GSK3B: variants seen among roughly 807,000 people sequenced by gnomAD.
GSK3B encodes the protein glycogen synthase kinase 3 beta.
A neutral mutation model predicts 56.4 loss-of-function variants in GSK3B; 15 were observed. That is an observed-to-expected ratio of 0.27 (90% CI 0.18 to 0.41). The LOEUF (loss-of-function observed/expected upper bound fraction) is 0.41, where lower values mean the gene tolerates loss of function less well. Ranked by LOEUF, GSK3B falls within the 10% of genes least tolerant of loss-of-function variation. GSK3B has a pLI of 1.00. For missense variants in GSK3B, 300 were observed against 513.4 expected (o/e 0.58, Z 4.02); for synonymous variants, 181 against 188.9 (o/e 0.96, Z 0.34).
chr3:119,865,235 G>T (rs2056160953), intron 8 of GSK3B, among the ~76,000 whole-genome samples: 1 of 151,692 alleles, frequency 6.6e-6, no homozygotes, highest in Non-Finnish European at 1.5e-5. Context: ...TATTTTGCTA[G>T]CTAATCCAAA....
chr3:120,019,752 G>A (rs775381890), intron 1 of GSK3B, among the ~76,000 whole-genome samples: 3 of 152,096 alleles, frequency 2.0e-5, no homozygotes, highest in African/African-American at 2.4e-5. Flanking sequence ...AAGTCTCTAC[G>A]CCTGACCTCC....
chr3:119,830,904 A>C (rs1434726847), intron 10 of GSK3B, among the ~76,000 whole-genome samples: 1 of 152,234 alleles, frequency 6.6e-6, no homozygotes, highest in Non-Finnish European at 1.5e-5. Context: ...GCAATTGTTC[A>C]ATAGATGGGA....
chr3:119,992,713 A>G (rs1054274428), intron 2 of GSK3B, among the ~76,000 whole-genome samples: 7 of 152,002 alleles, frequency 4.6e-5, no homozygotes, highest in Non-Finnish European at 7.4e-5. Context: ...ATAATAAAGT[A>G]CTCTTCAGGG....
At chr3:119,959,742 C>T (rs183309431) in intron 2 of GSK3B, among the ~76,000 whole-genome samples, 8 of 151,904 alleles carry the variant, frequency 5.3e-5, no homozygotes, top group Admixed American at 2.6e-4. Flanking sequence ...GTCTTGAACT[C>T]GTGACCTCAA....
At chr3:120,004,716 G>A (rs1034355368) in intron 1 of GSK3B, among the ~76,000 whole-genome samples, 2 of 152,116 alleles carry the variant, frequency 1.3e-5, no homozygotes, top group African/African-American at 4.8e-5. Flanking sequence ...CAAACAGAAA[G>A]GAACAGCATC....
chr3:120,020,704 G>C (rs948902348), intron 1 of GSK3B, among the ~76,000 whole-genome samples: 3 of 152,130 alleles, frequency 2.0e-5, no homozygotes, highest in Non-Finnish European at 2.9e-5. Flanking sequence ...AGTGAGAGAA[G>C]AGTCACCTAT....
At chr3:120,069,529 G>A (rs1197418596) in intron 1 of GSK3B, among the ~76,000 whole-genome samples, 4 of 152,048 alleles carry the variant, frequency 2.6e-5, no homozygotes, top group Non-Finnish European at 4.4e-5. Flanking sequence ...TGGGGGTGTG[G>A]GGGACAATCT....
intron 1 of GSK3B, among the ~76,000 whole-genome samples, chr3:120,023,292 C>G (rs1372222448): frequency 6.6e-6 from 1 of 151,156 alleles, no homozygotes; most frequent in Non-Finnish European, 1.5e-5. Flanking sequence ...CCACTGAAGA[C>G]TTTCCTGAGC....
chr3:119,914,955 T>C (rs1191781870), intron 5 of GSK3B, among the ~76,000 whole-genome samples: 1 of 152,002 alleles, frequency 6.6e-6, no homozygotes, highest in African/African-American at 2.4e-5. Context: ...AAAAATTAAA[T>C]TGGAGAGAAT....
At chr3:119,987,811 T>C (rs2057530373) in intron 2 of GSK3B, among the ~76,000 whole-genome samples, 1 of 152,346 alleles carries the variant, frequency 6.6e-6, no homozygotes. Context: ...ACAAGAAGCA[T>C]TGTCAAATAT....
chr3:119,873,240 T>C (rs2056269597), intron 8 of GSK3B, among the ~76,000 whole-genome samples: 2 of 152,180 alleles, frequency 1.3e-5, no homozygotes, highest in Non-Finnish European at 2.9e-5. Flanking sequence ...ATCTCAGTGT[T>C]ATTTTTCTGC....
chr3:119,990,581 C>T (rs1224635609), intron 2 of GSK3B, among the ~76,000 whole-genome samples: 1 of 152,148 alleles, frequency 6.6e-6, no homozygotes, highest in East Asian at 1.9e-4. Flanking sequence ...CCTTAAGGAT[C>T]AAAAACAGAC....
intron 3 of GSK3B, among the ~76,000 whole-genome samples, chr3:119,929,901 C>CAAA (rs202140622): frequency 7.2e-6 from 1 of 139,604 alleles, no homozygotes; most frequent in Non-Finnish European, 1.6e-5. Flanking sequence ...AACTCTGCCT[C>CAAA]AAAAAAAAAA....
chr3:119,990,277 A>G (rs996285953), intron 2 of GSK3B, among the ~76,000 whole-genome samples: 42 of 151,738 alleles, frequency 2.8e-4, no homozygotes, highest in African/African-American at 9.7e-4. Flanking sequence ...TTCTAACCCC[A>G]CCATAAACTT....
At chr3:120,072,364 T>G (rs1179029187) in intron 1 of GSK3B, among the ~76,000 whole-genome samples, 1 of 152,040 alleles carries the variant, frequency 6.6e-6, no homozygotes, top group Non-Finnish European at 1.5e-5. Flanking sequence ...TCAAGGCCAC[T>G]CTGGCCAACA....
intron 10 of GSK3B, among the ~76,000 whole-genome samples, chr3:119,834,122 T>C (rs908144481): frequency 1.3e-5 from 2 of 152,214 alleles, no homozygotes; most frequent in Admixed American, 1.3e-4. Context: ...AAATGTCTTA[T>C]GACAGGTCAA....
intron 7 of GSK3B, among the ~76,000 whole-genome samples, chr3:119,899,691 C>CA (rs1250243300): frequency 4.0e-5 from 6 of 151,898 alleles, no homozygotes; most frequent in Non-Finnish European, 8.8e-5. Flanking sequence ...TGTTTACTAA[C>CA]AAAAACAAAA....
intron 1 of GSK3B, among the ~76,000 whole-genome samples, chr3:120,058,742 G>A (rs368827491): frequency 2.0e-5 from 3 of 152,226 alleles, no homozygotes; most frequent in South Asian, 2.1e-4. Flanking sequence ...AGGCATGGTG[G>A]CTCATGCCTG....
At chr3:120,040,590 A>G (rs2058057859) in intron 1 of GSK3B, among the ~76,000 whole-genome samples, 1 of 152,170 alleles carries the variant, frequency 6.6e-6, no homozygotes, top group Non-Finnish European at 1.5e-5. Context: ...CAAGGGATTC[A>G]GCCTAACTAG....
Sources: allele counts gnomAD v4.1 joint callset (sites outside exome capture counted in the v4.1 genomes callset), GRCh38; gene constraint gnomAD v4.1.1; transcripts MANE v1.5; gene names NCBI Gene and HGNC (gene_info 2026-07-23, HGNC 2026-07-21).